Variants in GFRAL observed in about 807,000 individuals in gnomAD.
GFRAL encodes GDNF family receptor alpha like, also known as GDNF family receptor alpha-like.
Under a neutral mutation model 45.4 loss-of-function variants are expected in GFRAL, and 36 were observed. The ratio of observed to expected loss-of-function variants is 0.79; its 90% CI spans 0.61 to 1.05. GFRAL has a LOEUF of 1.05. Among genes scored for constraint, GFRAL ranks in the 50% least tolerant of loss-of-function variants. The probability of loss-of-function intolerance (pLI) is 0.00; values close to 1 mark genes in which losing one functional copy is unlikely to be tolerated. For missense variants in GFRAL, 507 were observed against 467.5 expected (o/e 1.08, Z -0.78); for synonymous variants, 166 against 154.1 (o/e 1.08, Z -0.57).
intron 5 of GFRAL, among the ~76,000 whole-genome samples, chr6:55,356,008 T>G (rs1359116933): frequency 1.3e-5 from 2 of 149,046 alleles, no homozygotes; most frequent in Non-Finnish European, 2.9e-5. Context: ...TTCATTTTGT[T>G]GATATGATGT....
intron 3 of GFRAL, among the ~76,000 whole-genome samples, chr6:55,335,187 T>C (rs1027694062): frequency 6.6e-6 from 1 of 152,192 alleles, no homozygotes; most frequent in Admixed American, 6.5e-5. Flanking sequence ...TATATAGTGG[T>C]ACTATATTGT....
intron 8 of GFRAL, among the ~76,000 whole-genome samples, chr6:55,400,078 C>T (rs547226064): frequency 2.6e-5 from 4 of 152,116 alleles, no homozygotes; most frequent in African/African-American, 4.8e-5. Context: ...GATTTCTAAA[C>T]GTCTAGTGTT....
chr6:55,354,092 A>G (rs1006629099), intron 5 of GFRAL, among the ~76,000 whole-genome samples: 1 of 152,068 alleles, frequency 6.6e-6, no homozygotes, highest in African/African-American at 2.4e-5. Flanking sequence ...TCGATATGCT[A>G]TCTAATTATC....
intron 6 of GFRAL, 85 bp from the exon 7 acceptor site, chr6:55,399,095 C>A (rs1250781476): frequency 1.5e-6 from 1 of 648,304 alleles, no homozygotes; most frequent in Non-Finnish European, 2.5e-6. Flanking sequence ...AAATTGCTGC[C>A]TTAAAAGATA....
intron 6 of GFRAL, among the ~76,000 whole-genome samples, chr6:55,370,759 C>A (rs931351670): frequency 6.6e-6 from 1 of 152,044 alleles, no homozygotes; most frequent in Non-Finnish European, 1.5e-5. Flanking sequence ...TTACATAGGC[C>A]CTGTGCTCAG....
intron 3 of GFRAL, among the ~76,000 whole-genome samples, chr6:55,343,909 T>G (rs1367025012): frequency 7.9e-5 from 12 of 152,020 alleles, no homozygotes; most frequent in Admixed American, 7.9e-4. Flanking sequence ...AATAAACACC[T>G]CTACACAAAT....
chr6:55,354,789 C>G (rs72969040), intron 5 of GFRAL, among the ~76,000 whole-genome samples: 13,261 of 151,970 alleles, frequency 0.087, 602 homozygotes, highest in South Asian at 0.12. Flanking sequence ...ATAGGCAAAA[C>G]AGGGCACTTC....
At chr6:55,346,335 T>C (rs1768041352) in intron 3 of GFRAL, among the ~76,000 whole-genome samples, 3 of 152,120 alleles carry the variant, frequency 2.0e-5, no homozygotes, top group Non-Finnish European at 4.4e-5. Context: ...ATGTGGCACA[T>C]ATACACCATG....
intron 5 of GFRAL, among the ~76,000 whole-genome samples, chr6:55,354,547 C>T (rs1238543036): frequency 6.6e-6 from 1 of 151,938 alleles, no homozygotes; most frequent in East Asian, 1.9e-4. Flanking sequence ...GTCCCTTAAT[C>T]AGTACTTTAT....
intron 3 of GFRAL, among the ~76,000 whole-genome samples, chr6:55,347,277 A>G (rs1768056064): frequency 6.6e-6 from 1 of 152,144 alleles, no homozygotes; most frequent in Non-Finnish European, 1.5e-5. Context: ...CGAGTAAGAT[A>G]AGTAATATTT....
chr6:55,330,893 A>G (rs1198509648), intron 1 of GFRAL, among the ~76,000 whole-genome samples: 1 of 152,202 alleles, frequency 6.6e-6, no homozygotes, highest in Non-Finnish European at 1.5e-5. Flanking sequence ...AAGAATGAAT[A>G]TGGGAGAGTG....
chr6:55,366,031 G>T (rs1581914431), intron 6 of GFRAL, among the ~76,000 whole-genome samples: 1 of 150,624 alleles, frequency 6.6e-6, no homozygotes, highest in Non-Finnish European at 1.5e-5. Flanking sequence ...GTTCCTCCTT[G>T]TACCTCTGGT....
chr6:55,349,037 C>A (rs1334599106), intron 3 of GFRAL, among the ~76,000 whole-genome samples: 2 of 152,116 alleles, frequency 1.3e-5, no homozygotes, highest in African/African-American at 2.4e-5. Context: ...AAGTTGGAAC[C>A]TCCAGATCTT....
At position 55,401,997 on chromosome 6, in the gene GFRAL, G is replaced by A; in HGVS notation, c.*144G>A. 1 of 563,856 alleles carries A rather than the reference G, an allele frequency of 1.8e-6. No homozygotes were observed. The highest frequency in any genetic ancestry group is 2.4e-5 in the South Asian group (1 of 41,020). 34.9% of individuals were successfully genotyped at this position (563,856 alleles called of 1,614,324 possible). A position where few individuals can be genotyped will look rare whatever the true frequency, so the allele number is the denominator to read the frequency against. On this transcript the variant is annotated 3_prime_UTR_variant, in exon 9 of 9. Coordinates refer to ENST00000340465, the MANE Select transcript of GFRAL (RefSeq NM_207410.2). ...TTTTCTTTTTCTTTTCTTTTTTGTG[G>A]CGGAGTTTTGCTCTTGTTGCCCAGG...
At chr6:55,372,590 A>G (rs1400836251) in intron 6 of GFRAL, among the ~76,000 whole-genome samples, 1 of 152,182 alleles carries the variant, frequency 6.6e-6, no homozygotes, top group Non-Finnish European at 1.5e-5. Context: ...AGCAGAGGAT[A>G]GGAAAATAAA....
intron 8 of GFRAL, 33 bp from the exon 9 acceptor site, chr6:55,401,757 C>T: frequency 8.4e-7 from 1 of 1,185,248 alleles, no homozygotes; most frequent in Non-Finnish European, 1.3e-6. Context: ...CTTAAAATGG[C>T]ATGTTGTTAA....
chr6:55,327,541 G>C lies in GFRAL; in HGVS notation c.-14G>C. 6.2e-7 allele frequency: 1 copy of C among 1,612,610 alleles called. No homozygotes were observed. The highest frequency in any genetic ancestry group is 8.5e-7 in the Non-Finnish European group (1 of 1,179,042). On this transcript the variant is annotated 5_prime_UTR_variant, in exon 1 of 9. Transcript: ENST00000340465. The stretch of plus-strand genomic sequence containing the variant: ...TGCCTTTTTTTCCAGGTGAACTGCC[G>C]TGAGTTGTCCAGCATGATAGTGTTT...
At chr6:55,389,429 TAGGTAATA>T (rs1768719717) in intron 6 of GFRAL, among the ~76,000 whole-genome samples, 9 of 152,290 alleles carry the variant, frequency 5.9e-5, no homozygotes, top group Non-Finnish European at 1.5e-5. Flanking sequence ...CATTGCTCCA[TAGGTAATA>T]CTAATGTGTA....
At chr6:55,394,765 G>T (rs1768799294) in intron 6 of GFRAL, among the ~76,000 whole-genome samples, 1 of 152,018 alleles carries the variant, frequency 6.6e-6, no homozygotes, top group Non-Finnish European at 1.5e-5. Context: ...TGACTGCAAA[G>T]ACATCAAATC....
Sources: gnomAD v4.1 joint callset for allele counts (sites outside exome capture counted in the v4.1 genomes callset) on GRCh38, gnomAD v4.1.1 for gene constraint, MANE v1.5 for transcripts, NCBI Gene and HGNC (gene_info 2026-07-23, HGNC 2026-07-21) for gene names.